POLE2: variants seen among roughly 807,000 people sequenced by gnomAD.
The protein encoded by POLE2 is DNA polymerase epsilon subunit 2.
In POLE2, 56 loss-of-function variants were observed where a neutral mutation model predicts 79.4. That is an observed-to-expected ratio of 0.71 (90% CI 0.57 to 0.88). The LOEUF (loss-of-function observed/expected upper bound fraction) is 0.88. Ranked by LOEUF, POLE2 falls within the 40% of genes least tolerant of loss-of-function variation. POLE2 has a pLI of 0.00. For synonymous variants in POLE2, 212 were observed against 214.0 expected (o/e 0.99, Z 0.08); for missense variants, 598 against 638.9 (o/e 0.94, Z 0.69).
At chr14:49,643,794 C>A in intron 18 of POLE2, 124 bp from the exon 19 acceptor site, 2 of 408,190 alleles carry the variant, frequency 4.9e-6, no homozygotes, top group East Asian at 4.1e-5. Context: ...TACATACATA[C>A]TGTTTCAAAT....
At chr14:49,644,955 T>A in intron 18 of POLE2, among the ~76,000 whole-genome samples, 1 of 150,622 alleles carries the variant, frequency 6.6e-6, no homozygotes, top group Non-Finnish European at 1.5e-5. Context: ...GGCAGGAGAA[T>A]CGCTTGAACC....
intron 2 of POLE2, 123 bp downstream of exon 2, chr14:49,683,470 A>G (rs1886883992): frequency 1.8e-6 from 1 of 549,218 alleles, no homozygotes; most frequent in East Asian, 3.0e-5. Flanking sequence ...GCTACCATGC[A>G]TACATCTTAT....
In POLE2 at chr14:49,688,145, A is replaced by C. The variant is rs756832434; in HGVS notation, c.59T>G (p.Leu20Arg). Residue 20 changes from leucine to arginine, a missense_variant, in exon 1 of 19, where the codon CTG becomes CGG. Physicochemically the swap from Leu to Arg is moderately radical, Grantham distance 102. Coordinates refer to ENST00000216367, the MANE Select transcript of POLE2 (RefSeq NM_002692.4). ...ALSAFKLRGLLLRGEAIKYLT... is the reference protein window; with the variant it reads ...ALSAFKLRGLRLRGEAIKYLT... ...GCCCGAGCCCACTCACCCACGGAGCAGCAAGCCCCGCAACTTGAAGGCGGA... is the reference window on the plus strand; with the variant it reads ...GCCCGAGCCCACTCACCCACGGAGCCGCAAGCCCCGCAACTTGAAGGCGGA... 6.4e-7 allele frequency: 1 copy of C among 1,556,728 alleles called. No homozygotes were observed.
intron 11 of POLE2, 107 bp downstream of exon 11, chr14:49,655,564 G>A (rs1321334104): frequency 1.3e-6 from 1 of 780,472 alleles, no homozygotes; most frequent in African/African-American, 1.8e-5. Context: ...TGCTAACTCT[G>A]TTTTTTTTTA....
At chr14:49,647,995 A>G (rs905428461) in intron 17 of POLE2, among the ~76,000 whole-genome samples, 1 of 152,244 alleles carries the variant, frequency 6.6e-6, no homozygotes, top group African/African-American at 2.4e-5. Flanking sequence ...TAAAAAATAA[A>G]CAGACTGTGT....
chr14:49,667,158 C>T (rs538033973), intron 6 of POLE2, among the ~76,000 whole-genome samples: 1 of 151,650 alleles, frequency 6.6e-6, no homozygotes, highest in East Asian at 1.9e-4. Context: ...GCATTCCAGC[C>T]TGGGTGACAG....
At chr14:49,678,190 G>A (rs144253656) in intron 3 of POLE2, among the ~76,000 whole-genome samples, 4 of 151,922 alleles carry the variant, frequency 2.6e-5, no homozygotes, top group Admixed American at 6.6e-5. Flanking sequence ...TAGTAGAGAC[G>A]GGGTTTTGCT....
intron 9 of POLE2, among the ~76,000 whole-genome samples, chr14:49,663,762 C>T (rs1885262033): frequency 6.6e-6 from 1 of 152,132 alleles, no homozygotes; most frequent in Non-Finnish European, 1.5e-5. Flanking sequence ...GGTGCAGTGG[C>T]TCATGCCTGT....
chr14:49,683,421 A>T (rs1886878510), intron 2 of POLE2, among the ~76,000 whole-genome samples, 172 bp downstream of exon 2: 1 of 152,158 alleles, frequency 6.6e-6, no homozygotes, highest in Non-Finnish European at 1.5e-5. Context: ...AGAAAAAAAA[A>T]TTAAAATAAA....
rs772450545 is a variant in POLE2 at position 49,666,325 on chromosome 14, G to A, written c.576+5C>T. The A allele has an allele frequency of 6.8e-7, 1 of 1,479,340 alleles. No homozygotes were observed. Among genetic ancestry groups the A allele is most frequent in the Non-Finnish European group, 9.2e-7 (1 of 1,086,192 alleles). The allele number at this position is 1,479,340 out of a possible 1,614,324, so 91.6% of individuals were successfully genotyped here. The stretch of plus-strand genomic sequence containing the variant: ...AAAATAAAAGTTTGATGCTTATTAA[G>A]TTACCTCTTTTAACTGCGTTATCAT... On this transcript the variant is annotated splice_donor_5th_base_variant and intron_variant, in intron 7 of 18. Coordinates refer to ENST00000216367, the MANE Select transcript of POLE2 (RefSeq NM_002692.4).
intron 15 of POLE2, among the ~76,000 whole-genome samples, chr14:49,653,094 T>A (rs1425205848): frequency 6.6e-6 from 1 of 152,188 alleles, no homozygotes; most frequent in Non-Finnish European, 1.5e-5. Flanking sequence ...TGGAGAAGTC[T>A]ACAGAAGAGG....
At chr14:49,687,889 G>A (rs1490965659) in intron 1 of POLE2, among the ~76,000 whole-genome samples, 6 of 152,024 alleles carry the variant, frequency 3.9e-5, no homozygotes, top group African/African-American at 1.2e-4. Flanking sequence ...TAGTAGAGAC[G>A]GGGCTTCACC....
chr14:49,652,685 A>G (rs1884360557), intron 15 of POLE2, among the ~76,000 whole-genome samples: 2 of 152,110 alleles, frequency 1.3e-5, no homozygotes, highest in Non-Finnish European at 2.9e-5. Flanking sequence ...ACTGTCTCCC[A>G]TCATCCCCAG....
rs143655479 is a variant in POLE2, at chr14:49,660,950, G to A, written c.755+2365C>T. On this transcript the variant is annotated intron_variant, in intron 10 of 18. Coordinates refer to ENST00000216367, the MANE Select transcript of POLE2 (RefSeq NM_002692.4). Reference sequence around the variant, plus strand: ...ACCCTTCTTTTTTGGGGGGTAGGGGGACAAAGTCTCAGTGTGTCACCCAGG... The same window carrying A: ...ACCCTTCTTTTTTGGGGGGTAGGGGAACAAAGTCTCAGTGTGTCACCCAGG... Among the ~76,000 whole-genome samples, 441 of 152,230 alleles carry A rather than the reference G, an allele frequency of 2.9e-3. 4 individuals are homozygous for A. Among genetic ancestry groups the A allele is most frequent in the African/African-American group, 0.01 (424 of 41,544 alleles).
rs900138640 is a variant in POLE2 at position 49,683,787 on chromosome 14, C to T, written c.69-94G>A. 77 of 626,358 alleles carry T rather than the reference C, an allele frequency of 1.2e-4. No individual in the cohort carries two copies. The Admixed American group carries it at 2.2e-3, about 18-fold the overall frequency. 38.8% of individuals were successfully genotyped at this position (626,358 alleles called of 1,614,324 possible). A position where few individuals can be genotyped will look rare whatever the true frequency, so the allele number is the denominator to read the frequency against. ...GCAGCAAATACTCATCAATCTGGCA[C>T]TGAAAGGAAGAACCACTAACTGCTC... On this transcript the variant is annotated intron_variant, in intron 1 of 18. Transcript: ENST00000216367.
At position 49,677,793 on chromosome 14, in the gene POLE2, T is replaced by C. The variant is rs1023787585; in HGVS notation, c.245+1932A>G. The stretch of plus-strand genomic sequence containing the variant: ...GTGTGGCAGCTCCTGGCCTCAATGA[T>C]GACTGTGGACCTGCAGCAGCACCCT... On this transcript the variant is annotated intron_variant, in intron 3 of 18. Transcript: ENST00000216367. 1.1e-5 allele frequency: 8 copies of C among 759,396 alleles called. No individual in the cohort carries two copies. The African/African-American group carries it at 1.1e-4, about 10-fold the overall frequency. The allele number at this position is 759,396 out of a possible 1,614,324, so 47.0% of individuals were successfully genotyped here. A position where few individuals can be genotyped will look rare whatever the true frequency, so the allele number is the denominator to read the frequency against.
intron 2 of POLE2, among the ~76,000 whole-genome samples, chr14:49,682,645 A>AGT: frequency 7.0e-6 from 1 of 142,786 alleles, no homozygotes; most frequent in African/African-American, 2.9e-5. Context: ...TCAGGGAAAA[A>AGT]AAAAAAAAAA....
intron 8 of POLE2, among the ~76,000 whole-genome samples, 181 bp from the exon 9 acceptor site, chr14:49,664,855 C>A (rs546986322): frequency 6.6e-6 from 1 of 152,252 alleles, no homozygotes; most frequent in Non-Finnish European, 1.5e-5. Flanking sequence ...ATGTTTAATT[C>A]TTGGTAATAT....
At position 49,654,210 on chromosome 14, in the gene POLE2, G is replaced by C; in HGVS notation, c.1078C>G (p.Arg360Gly). The change falls in exon 14 of 19, where the codon CGT becomes GGT. Residue 360 changes from arginine to glycine, a missense_variant. Coordinates refer to ENST00000216367, the MANE Select transcript of POLE2 (RefSeq NM_002692.4). ...TCTGGACCAGGTACAAACACAAAAC[G>C]ACTACTGTAGCAAAATTCAACACAA... ...CEYPDIHQSS[R>G]FVFVPGPEDP... 6.2e-7 allele frequency: 1 copy of C among 1,602,948 alleles called. No individual in the cohort carries two copies. Among genetic ancestry groups the C allele is most frequent in the Non-Finnish European group, 8.5e-7 (1 of 1,171,524 alleles).
Sources: allele counts gnomAD v4.1 joint callset (sites outside exome capture counted in the v4.1 genomes callset), GRCh38; gene constraint gnomAD v4.1.1; transcripts MANE v1.5; gene names NCBI Gene and HGNC (gene_info 2026-07-23, HGNC 2026-07-21).